The following PTPRD variants were observed in gnomAD, a reference collection of about 807,000 sequenced individuals.
PTPRD encodes protein tyrosine phosphatase receptor type D.
In PTPRD, 34 loss-of-function variants were observed where a neutral mutation model predicts 214.5. The ratio of observed to expected loss-of-function variants is 0.16; its 90% CI spans 0.12 to 0.21. The LOEUF (loss-of-function observed/expected upper bound fraction) is 0.21. PTPRD is among the 10% of genes least tolerant of loss of function. The pLI is 1.00. For synonymous variants in PTPRD, 1,128 were observed against 845.7 expected, an observed-to-expected ratio of 1.33 and a Z score of -5.79; for missense variants, 2,545 against 2,398.7, an observed-to-expected ratio of 1.06 and a Z score of -1.27.
intron 11 of PTPRD, among the ~76,000 whole-genome samples, chr9:8,831,136 G>A (rs1455493751): frequency 6.6e-6 from 1 of 152,072 alleles, no homozygotes; most frequent in Non-Finnish European, 1.5e-5. Context: ...CAGGAAAAGG[G>A]TTTTGTTTTT....
intron 5 of PTPRD, among the ~76,000 whole-genome samples, chr9:9,771,108 C>T (rs2098748320): frequency 6.6e-6 from 1 of 152,138 alleles, no homozygotes; most frequent in South Asian, 2.1e-4. Flanking sequence ...ATGATTTATG[C>T]ACCTTATGCC....
In PTPRD at chr9:10,406,381, T is replaced by G. The variant is rs148427252; in HGVS notation, c.-599-65364A>C. ...TTATAGTGGAATAACAAACGAAAAT[T>G]GAAGAAATAGTAAGAATGTATGTCA... On this transcript the variant is annotated intron_variant, in intron 2 of 45. Coordinates refer to ENST00000381196, the MANE Select transcript of PTPRD (RefSeq NM_002839.4). 1.9e-3 allele frequency among the ~76,000 whole-genome samples: 294 copies of G among 151,604 alleles called. 1 individual carries two copies. The highest frequency in any genetic ancestry group is 3.2e-3 in the Non-Finnish European group (216 of 67,692).
chr9:9,757,158 C>G (rs768658259), intron 6 of PTPRD, among the ~76,000 whole-genome samples: 1 of 152,126 alleles, frequency 6.6e-6, no homozygotes, highest in Admixed American at 6.6e-5. Flanking sequence ...ATGACCATTC[C>G]TTAGCAGTTG....
intron 3 of PTPRD, among the ~76,000 whole-genome samples, chr9:10,070,144 T>C (rs561684330): frequency 1.7e-4 from 26 of 152,184 alleles, no homozygotes; most frequent in African/African-American, 5.8e-4. Flanking sequence ...TATGGGCCAG[T>C]TGGGCACAGA....
At position 8,741,597 on chromosome 9, in the gene PTPRD, T is replaced by TTTG. The variant is rs1555251834; in HGVS notation, c.-103-7652_-103-7651insCAA. Among the ~76,000 whole-genome samples, 4 of 97,480 alleles carry TTTG rather than the reference T, an allele frequency of 4.1e-5. No individual in the cohort carries two copies. The East Asian group carries it at 1.1e-3, about 27-fold the overall frequency. The allele number at this position is 97,480 out of a possible 152,430, so 64.0% of individuals were successfully genotyped here. A position where few individuals can be genotyped will look rare whatever the true frequency, so the allele number is the denominator to read the frequency against. On this transcript the variant is annotated intron_variant, in intron 11 of 45. Transcript: ENST00000381196. ...TTTTTTTTTTTTTTTTTTTTTTTTT[T>TTTG]TTTTGAGATGAAGTCTCATTCTGTT...
chr9:8,868,089 T>C (rs2098230493), intron 11 of PTPRD, among the ~76,000 whole-genome samples: 1 of 152,208 alleles, frequency 6.6e-6, no homozygotes, highest in Non-Finnish European at 1.5e-5. Context: ...TTCACCACCC[T>C]GGTTGTGCAT....
intron 5 of PTPRD, among the ~76,000 whole-genome samples, chr9:9,932,167 T>C (rs371852384): frequency 0.037 from 5,152 of 139,908 alleles, 313 homozygotes; most frequent in African/African-American, 0.16. Flanking sequence ...AAATGCAGAG[T>C]GCCTCTCCTC....
At chr9:9,513,929 TA>T (rs1237565332) in intron 8 of PTPRD, among the ~76,000 whole-genome samples, 1 of 152,016 alleles carries the variant, frequency 6.6e-6, no homozygotes, top group African/African-American at 2.4e-5. Flanking sequence ...GTCTTGTGAA[TA>T]AGGCTGTTAA....
chr9:9,208,114 A>C (rs2099946141), intron 9 of PTPRD, among the ~76,000 whole-genome samples: 1 of 141,198 alleles, frequency 7.1e-6, no homozygotes, highest in South Asian at 2.3e-4. Context: ...TCCCGTGTTC[A>C]TGCCATTCTC....
At chr9:10,313,909 G>C (rs997843682) in intron 3 of PTPRD, among the ~76,000 whole-genome samples, 4 of 151,862 alleles carry the variant, frequency 2.6e-5, no homozygotes, top group Non-Finnish European at 5.9e-5. Context: ...GTAAGGAAAA[G>C]TCTCACGGTT....
chr9:8,797,023 G>A (rs1012792768), intron 11 of PTPRD: 3 of 151,770 alleles, frequency 2.0e-5, no homozygotes, highest in Non-Finnish European at 4.4e-5. Context: ...AATTGAAACA[G>A]TCCATTCCCC....
chr9:8,919,334 G>C lies in PTPRD; in HGVS notation c.-104+99363C>G, dbSNP rs534735454. On this transcript the variant is annotated intron_variant, in intron 11 of 45. Coordinates refer to ENST00000381196, the MANE Select transcript of PTPRD (RefSeq NM_002839.4). ...CTTGAACCTGGGGGGTGGAGGTGCAGTGAGCCGAGGCTATGCCACTGGATT... is the reference window on the plus strand; with the variant it reads ...CTTGAACCTGGGGGGTGGAGGTGCACTGAGCCGAGGCTATGCCACTGGATT... Among the ~76,000 whole-genome samples the C allele has an allele frequency of 2.2e-3, 328 of 150,490 alleles. 1 individual carries two copies. The highest frequency in any genetic ancestry group is 7.7e-3 in the African/African-American group (313 of 40,842).
chr9:8,806,674 A>T (rs1566216424), intron 11 of PTPRD, among the ~76,000 whole-genome samples: 1 of 152,204 alleles, frequency 6.6e-6, no homozygotes, highest in Admixed American at 6.5e-5. Context: ...GGCTTAAGAG[A>T]TGACATGATC....
intron 13 of PTPRD, among the ~76,000 whole-genome samples, chr9:8,634,816 C>T (rs2096377108): frequency 6.6e-6 from 1 of 151,682 alleles, no homozygotes; most frequent in Non-Finnish European, 1.5e-5. Flanking sequence ...TGTATGTTTA[C>T]ATTTGTGAAC....
At chr9:9,251,946 C>G (rs753980732) in intron 9 of PTPRD, among the ~76,000 whole-genome samples, 1 of 152,080 alleles carries the variant, frequency 6.6e-6, no homozygotes, top group Non-Finnish European at 1.5e-5. Flanking sequence ...AGTGCCTTCA[C>G]CAAAAACTAG....
intron 12 of PTPRD, among the ~76,000 whole-genome samples, chr9:8,726,967 C>A (rs943532404): frequency 6.6e-6 from 1 of 151,380 alleles, no homozygotes; most frequent in African/African-American, 2.4e-5. Flanking sequence ...GAGCCAGACC[C>A]TGTCTCAAAA....
At chr9:10,228,442 T>C (rs533305749) in intron 3 of PTPRD, among the ~76,000 whole-genome samples, 1 of 152,134 alleles carries the variant, frequency 6.6e-6, no homozygotes, top group South Asian at 2.1e-4. Context: ...TGGATAATAT[T>C]GGACATTAGC....
At chr9:9,190,110 T>C (rs182705024) in intron 9 of PTPRD, among the ~76,000 whole-genome samples, 6 of 152,220 alleles carry the variant, frequency 3.9e-5, no homozygotes, top group South Asian at 2.1e-4. Flanking sequence ...TTAATCCCTA[T>C]TGTAACAGTG....
chr9:9,444,694 AC>A (rs893963262), intron 8 of PTPRD, among the ~76,000 whole-genome samples: 17 of 152,106 alleles, frequency 1.1e-4, no homozygotes, highest in Non-Finnish European at 2.9e-5. Flanking sequence ...AAAAAGAACA[AC>A]CTTTTCCCTT....
Sources: allele counts gnomAD v4.1 joint callset (sites outside exome capture counted in the v4.1 genomes callset), GRCh38; gene constraint gnomAD v4.1.1; transcripts MANE v1.5; gene names NCBI Gene and HGNC (gene_info 2026-07-23, HGNC 2026-07-21).